The following EIF4H variants were observed in gnomAD, a reference collection of about 807,000 sequenced individuals.
EIF4H encodes the protein eukaryotic translation initiation factor 4H, also known as Williams-Beuren syndrome chromosome region 1.
In EIF4H, 8 loss-of-function variants were observed where a neutral mutation model predicts 30.6. That is an observed-to-expected ratio of 0.26 (90% confidence interval 0.15 to 0.47). The LOEUF (loss-of-function observed/expected upper bound fraction) is 0.47, where lower values mean the gene tolerates loss of function less well. Ranked by LOEUF, EIF4H falls within the 20% of genes least tolerant of loss-of-function variation. The pLI, the probability that EIF4H is intolerant of heterozygous loss-of-function variation, is 0.99. For missense variants in EIF4H, 188 were observed against 339.5 expected, an observed-to-expected ratio of 0.55 and a Z score of 3.51; for synonymous variants, 106 against 122.7, an observed-to-expected ratio of 0.86 and a Z score of 0.90.
At chr7:74,175,037 T>C (rs1238769780) in intron 1 of EIF4H, among the ~76,000 whole-genome samples, 2 of 152,226 alleles carry the variant, frequency 1.3e-5, no homozygotes, top group East Asian at 3.9e-4. Flanking sequence ...GATAAATCCA[T>C]CGTAGCTTCT....
chr7:74,182,818 C>T (rs1800993028), intron 1 of EIF4H, among the ~76,000 whole-genome samples: 1 of 152,212 alleles, frequency 6.6e-6, no homozygotes, highest in Admixed American at 6.5e-5. Flanking sequence ...TCCTTTGACA[C>T]CTACAGATCT....
chr7:74,190,363 T>C (rs1221729423), intron 5 of EIF4H, 57 bp downstream of exon 5: 15 of 1,563,726 alleles, frequency 9.6e-6, no homozygotes, highest in African/African-American at 1.4e-5. Context: ...GCTGCTGTTC[T>C]CTGTTTCTTA....
At chr7:74,190,408 T>G in intron 5 of EIF4H, 102 bp downstream of exon 5, 1 of 1,173,920 alleles carries the variant, frequency 8.5e-7, no homozygotes, top group South Asian at 1.3e-5. Context: ...CTTATTTAGT[T>G]CCTTTAACAA....
intron 1 of EIF4H, among the ~76,000 whole-genome samples, chr7:74,181,942 C>G (rs782619803): frequency 5.9e-5 from 9 of 151,836 alleles, no homozygotes; most frequent in Non-Finnish European, 1.2e-4. Flanking sequence ...GTCTTGAACT[C>G]CTGACCTTGT....
In EIF4H at chr7:74,197,001, A is replaced by G. The variant is rs1290879839; in HGVS notation, c.*1693A>G. The G allele has an allele frequency of 6.6e-6, 1 of 152,578 alleles. No homozygotes were observed. The highest frequency in any genetic ancestry group is 2.4e-5 in the African/African-American group (1 of 41,440). 9.5% of individuals were successfully genotyped at this position (152,578 alleles called of 1,614,324 possible). On this transcript the variant is annotated 3_prime_UTR_variant, in exon 7 of 7. Coordinates refer to ENST00000265753, the MANE Select transcript of EIF4H (RefSeq NM_022170.2). ...CTTTTAAATGTAAGAATGGAATTCCAAACACTTAACACATTCAGCTATATG... is the reference window on the plus strand; with the variant it reads ...CTTTTAAATGTAAGAATGGAATTCCGAACACTTAACACATTCAGCTATATG...
At position 74,196,229 on chromosome 7, in the gene EIF4H, G is replaced by T. The variant is rs1426499963; in HGVS notation, c.*921G>T. ...GCTGCACTGGGCTGACTGCGGCGCTGACGCAGCGTTTCCCCCCATCCCTGT... is the reference window on the plus strand; with the variant it reads ...GCTGCACTGGGCTGACTGCGGCGCTTACGCAGCGTTTCCCCCCATCCCTGT... On this transcript the variant is annotated 3_prime_UTR_variant, in exon 7 of 7. Transcript: ENST00000265753. 1 of 152,966 alleles carries T rather than the reference G, an allele frequency of 6.5e-6. No individual in the cohort carries two copies. Among genetic ancestry groups the T allele is most frequent in the Non-Finnish European group, 1.5e-5 (1 of 68,304 alleles). 9.5% of individuals were successfully genotyped at this position (152,966 alleles called of 1,614,324 possible).
At chr7:74,176,184 A>G (rs1175403043) in intron 1 of EIF4H, among the ~76,000 whole-genome samples, 1 of 152,152 alleles carries the variant, frequency 6.6e-6, no homozygotes, top group Non-Finnish European at 1.5e-5. Context: ...CTACTTTCAG[A>G]AGTAGTTTTA....
At chr7:74,188,866 C>A (rs1391466261) in intron 2 of EIF4H, among the ~76,000 whole-genome samples, 1 of 152,064 alleles carries the variant, frequency 6.6e-6, no homozygotes, top group Non-Finnish European at 1.5e-5. Flanking sequence ...GGGAGGAAAC[C>A]TGGGGGGACA....
intron 5 of EIF4H, among the ~76,000 whole-genome samples, chr7:74,194,419 T>C (rs1394677852): frequency 6.6e-6 from 1 of 152,242 alleles, no homozygotes; most frequent in Non-Finnish European, 1.5e-5. Flanking sequence ...GGCTTTCTTG[T>C]TTTGCTTAAG....
At chr7:74,185,537 A>G (rs1342282811) in intron 1 of EIF4H, among the ~76,000 whole-genome samples, 1 of 152,088 alleles carries the variant, frequency 6.6e-6, no homozygotes, top group African/African-American at 2.4e-5. Flanking sequence ...ATTGGAAAGT[A>G]CCGGAATTGT....
chr7:74,181,356 CA>C (rs1563948777), intron 1 of EIF4H, among the ~76,000 whole-genome samples: 2 of 151,968 alleles, frequency 1.3e-5, no homozygotes, highest in African/African-American at 4.8e-5. Context: ...TACTTTAGAG[CA>C]ATTTTTGTTT....
At chr7:74,179,631 CAAA>C (rs34502000) in intron 1 of EIF4H, among the ~76,000 whole-genome samples, 2 of 128,056 alleles carry the variant, frequency 1.6e-5, no homozygotes, top group African/African-American at 5.7e-5. Context: ...GACTCTGTAT[CAAA>C]AAAAAAAAAA....
chr7:74,186,811 T>A (rs1307286989), intron 1 of EIF4H, among the ~76,000 whole-genome samples: 1,920 of 61,076 alleles, frequency 0.031, 230 homozygotes, highest in Non-Finnish European at 0.047. Flanking sequence ...TTTTTTTTTT[T>A]TTTTTTTTTT....
chr7:74,187,210 A>G (rs1801104242), intron 1 of EIF4H, among the ~76,000 whole-genome samples: 1 of 152,112 alleles, frequency 6.6e-6, no homozygotes, highest in African/African-American at 2.4e-5. Flanking sequence ...CAGGCAGACC[A>G]CCTGAGGTCA....
chr7:74,182,793 T>C (rs1038714327), intron 1 of EIF4H, among the ~76,000 whole-genome samples: 12 of 152,168 alleles, frequency 7.9e-5, no homozygotes, highest in African/African-American at 2.9e-4. Flanking sequence ...TTTTTATAGT[T>C]ACCCTCTCTC....
In EIF4H at chr7:74,195,630, G is replaced by A. The variant is rs1465493490; in HGVS notation, c.*322G>A. 4.0e-4 allele frequency: 95 copies of A among 235,850 alleles called. No homozygotes were observed. The highest frequency in any genetic ancestry group is 1.4e-3 in the Admixed American group (25 of 17,568). The allele number at this position is 235,850 out of a possible 1,614,324, so 14.6% of individuals were successfully genotyped here. A position where few individuals can be genotyped will look rare whatever the true frequency, so the allele number is the denominator to read the frequency against. ...TCGGAGGAGCAGAGGTGGCCGCCGTGGGGGGGCGTTTGGGCTGCGGTGCTG... is the reference window on the plus strand; with the variant it reads ...TCGGAGGAGCAGAGGTGGCCGCCGTAGGGGGGCGTTTGGGCTGCGGTGCTG... On this transcript the variant is annotated 3_prime_UTR_variant, in exon 7 of 7. Transcript: ENST00000265753.
chr7:74,186,369 A>G (rs1801080777), intron 1 of EIF4H, among the ~76,000 whole-genome samples: 1 of 151,784 alleles, frequency 6.6e-6, no homozygotes, highest in African/African-American at 2.4e-5. Context: ...ATGCACCACC[A>G]CACCAAGCTA....
At position 74,194,727 on chromosome 7, in the gene EIF4H, T is replaced by C. The variant is rs370920530; in HGVS notation, c.470-14T>C. 97 of 1,563,212 alleles carry C rather than the reference T, an allele frequency of 6.2e-5. No homozygotes were observed. Among genetic ancestry groups the C allele is most frequent in the Non-Finnish European group, 7.8e-5 (89 of 1,147,728 alleles). ...TAGTTTGAAAAGTAATTCAGTGTCC[T>C]GTTTCTTCCTCAGGCTTCAGGGATG... On this transcript the variant is annotated splice_polypyrimidine_tract_variant and intron_variant, in intron 5 of 6. Transcript: ENST00000265753.
intron 5 of EIF4H, among the ~76,000 whole-genome samples, chr7:74,192,811 G>A (rs995321637): frequency 3.3e-5 from 5 of 151,436 alleles, no homozygotes; most frequent in Non-Finnish European, 4.4e-5. Flanking sequence ...CCAAGTAGCT[G>A]GGATTACAGG....
Sources: allele counts gnomAD v4.1 joint callset (sites outside exome capture counted in the v4.1 genomes callset), GRCh38; gene constraint gnomAD v4.1.1; transcripts MANE v1.5; gene names NCBI Gene and HGNC (gene_info 2026-07-23, HGNC 2026-07-21).